RAB3IL1: variants seen among roughly 807,000 people sequenced by gnomAD.
RAB3IL1 encodes RAB3A interacting protein like 1.
Under a neutral mutation model 49.2 loss-of-function variants are expected in RAB3IL1, and 37 were observed. That is an observed-to-expected ratio of 0.75 (90% CI 0.58 to 0.99). The LOEUF is 0.99. Among genes scored for constraint, RAB3IL1 ranks in the 50% least tolerant of loss-of-function variants. The probability of loss-of-function intolerance (pLI) is 0.00; values close to 1 mark genes in which losing one functional copy is unlikely to be tolerated. For missense variants in RAB3IL1, 484 were observed against 513.0 expected (o/e 0.94, Z 0.55); for synonymous variants, 193 against 213.9 (o/e 0.90, Z 0.85).
At chr11:61,933,552 A>G in the RAB3IL1 span, among the ~76,000 whole-genome samples, 3 of 152,184 alleles carry the variant, frequency 2.0e-5, no homozygotes, top group Non-Finnish European at 4.4e-5. Context: ...AATTTGTTAC[A>G]ATTATCATTA....
the RAB3IL1 span, among the ~76,000 whole-genome samples, chr11:61,931,342 C>G: frequency 7.9e-5 from 12 of 152,222 alleles, no homozygotes; most frequent in African/African-American, 2.9e-4. Context: ...TGGCAACTCA[C>G]TCAGTCACCA....
Position 61,898,232 on chromosome 11 carries a change from G to C in RAB3IL1, c.*46C>G. 6.4e-7 allele frequency: 1 copy of C among 1,557,860 alleles called. No individual in the cohort carries two copies. The highest frequency in any genetic ancestry group is 8.8e-7 in the Non-Finnish European group (1 of 1,136,208). ...CTGTGTGTCGGCTTGTTCTGGGGTG[G>C]GTGTTTGCTCTGTCTCAGAGCTCCC... On this transcript the variant is annotated 3_prime_UTR_variant, in exon 10 of 10. Coordinates refer to ENST00000394836, the MANE Select transcript of RAB3IL1 (RefSeq NM_013401.4). The surrounding 1 kb of genome is among the most constrained non-coding windows in gnomAD (Gnocchi z 5.1).
At chr11:61,905,362 A>C (rs1275770060) in intron 5 of RAB3IL1, among the ~76,000 whole-genome samples, 1 of 152,038 alleles carries the variant, frequency 6.6e-6, no homozygotes, top group Non-Finnish European at 1.5e-5. Flanking sequence ...GGAGGGGGCA[A>C]AGTGGGAGGC....
chr11:61,945,432 G>A, the RAB3IL1 span, among the ~76,000 whole-genome samples: 1 of 152,178 alleles, frequency 6.6e-6, no homozygotes, highest in Admixed American at 6.5e-5. Flanking sequence ...AGCATCCTGG[G>A]GCAGCGGGGA....
At position 61,907,488 on chromosome 11, in the gene RAB3IL1, C is replaced by T. The variant is rs1761995965; in HGVS notation, c.361-18G>A. 6.2e-7 allele frequency: 1 copy of T among 1,614,002 alleles called. No individual in the cohort carries two copies. Among genetic ancestry groups the T allele is most frequent in the Admixed American group, 1.7e-5 (1 of 59,998 alleles). ...TGAGCTTCCTAGGAAGAAGGCAGTCCCTGCGTGAGTGGTGAGGAGCCAACG... is the reference window on the plus strand; with the variant it reads ...TGAGCTTCCTAGGAAGAAGGCAGTCTCTGCGTGAGTGGTGAGGAGCCAACG... On this transcript the variant is annotated intron_variant, in intron 3 of 9. Transcript: ENST00000394836.
the RAB3IL1 span, among the ~76,000 whole-genome samples, chr11:61,938,549 A>G: frequency 6.6e-6 from 1 of 152,244 alleles, no homozygotes; most frequent in Non-Finnish European, 1.5e-5. Context: ...TAACAATTAT[A>G]TATTTCACCT....
At chr11:61,927,521 G>A in the RAB3IL1 span, among the ~76,000 whole-genome samples, 4 of 152,110 alleles carry the variant, frequency 2.6e-5, no homozygotes, top group Admixed American at 2.6e-4. Flanking sequence ...TTTGGGAGTG[G>A]AAAGGGAGAC....
chr11:61,944,503 AG>A, the RAB3IL1 span, among the ~76,000 whole-genome samples: 4 of 152,134 alleles, frequency 2.6e-5, no homozygotes, highest in Admixed American at 2.6e-4. Flanking sequence ...TTGAGAAGCC[AG>A]GTTCTAGAAG....
intron 8 of RAB3IL1, 98 bp from the exon 9 acceptor site, chr11:61,899,478 G>T: frequency 8.8e-7 from 1 of 1,140,440 alleles, no homozygotes; most frequent in Non-Finnish European, 1.3e-6. Context: ...CCAGGTCCCT[G>T]CAGAGCCAGG....
the RAB3IL1 span, chr11:61,937,762 T>C: frequency 7.2e-5 from 11 of 151,964 alleles, no homozygotes; most frequent in Non-Finnish European, 1.5e-5. Context: ...CAAAAATATA[T>C]AATGCATATA....
chr11:61,909,429 G>C (rs1378677289), intron 1 of RAB3IL1, among the ~76,000 whole-genome samples: 1 of 152,186 alleles, frequency 6.6e-6, no homozygotes, highest in Non-Finnish European at 1.5e-5. Context: ...TTAACACACA[G>C]AAAATGGGCC....
At chr11:61,899,428 G>A (rs1039061150) in intron 8 of RAB3IL1, 48 bp from the exon 9 acceptor site, 33 of 1,571,212 alleles carry the variant, frequency 2.1e-5, no homozygotes, top group Non-Finnish European at 2.8e-5. Context: ...CCACGCTGGG[G>A]GTCCCCTGAC....
At chr11:61,931,354 G>C in the RAB3IL1 span, among the ~76,000 whole-genome samples, 2 of 152,174 alleles carry the variant, frequency 1.3e-5, no homozygotes, top group Non-Finnish European at 2.9e-5. Flanking sequence ...CAGTCACCAG[G>C]AGGGTAAAGA....
intron 8 of RAB3IL1, 65 bp from the exon 9 acceptor site, chr11:61,899,445 A>G: frequency 6.6e-7 from 1 of 1,510,446 alleles, no homozygotes; most frequent in Non-Finnish European, 9.0e-7. Context: ...TGACAGGCGG[A>G]TCTGAGTCCA....
upstream of RAB3IL1, among the ~76,000 whole-genome samples, chr11:61,919,826 T>G (rs1199842579): frequency 6.6e-6 from 1 of 152,218 alleles, no homozygotes; most frequent in Admixed American, 6.5e-5. Context: ...CAGGCCCTGA[T>G]TCTGGACTTA....
At chr11:61,900,454 G>T (rs188701484) in intron 8 of RAB3IL1, among the ~76,000 whole-genome samples, 3 of 152,282 alleles carry the variant, frequency 2.0e-5, no homozygotes, top group Non-Finnish European at 4.4e-5. Flanking sequence ...GGACGGTGGT[G>T]GCCTGGCAAA....
At chr11:61,922,225 T>TA (rs1939924889), upstream of RAB3IL1, among the ~76,000 whole-genome samples, 2 of 145,670 alleles carry the variant, frequency 1.4e-5, no homozygotes, top group Non-Finnish European at 3.0e-5. Flanking sequence ...AAAAAAAGTT[T>TA]AAAAAAAGAA....
At chr11:61,935,961 T>TA in the RAB3IL1 span, among the ~76,000 whole-genome samples, 4 of 109,274 alleles carry the variant, frequency 3.7e-5, no homozygotes, top group Non-Finnish European at 7.3e-5. Flanking sequence ...AGAGGAACAT[T>TA]TAAAAAAAAA....
At chr11:61,902,324 T>C in intron 8 of RAB3IL1, 118 bp downstream of exon 8, 1 of 873,372 alleles carries the variant, frequency 1.1e-6, no homozygotes. Flanking sequence ...AAAAAATAAA[T>C]AAATAAAATA....
Sources: allele counts gnomAD v4.1 joint callset (sites outside exome capture counted in the v4.1 genomes callset), GRCh38; gene constraint gnomAD v4.1.1; non-coding constraint Gnocchi (gnomAD v3.1); transcripts MANE v1.5; gene names NCBI Gene and HGNC (gene_info 2026-07-23, HGNC 2026-07-21).